RBMS3: variants seen among roughly 807,000 people sequenced by gnomAD.
The protein encoded by RBMS3 is RNA binding motif single stranded interacting protein 3.
In RBMS3, 27 loss-of-function variants were observed where a neutral mutation model predicts 66.8. That is an observed-to-expected ratio of 0.40 (90% CI 0.30 to 0.56). The LOEUF is 0.56. RBMS3 is among the 20% of genes least tolerant of loss of function. The pLI is 0.40. For synonymous variants in RBMS3, 188 were observed against 183.0 expected (o/e 1.03, Z -0.22); for missense variants, 513 against 549.5 (o/e 0.93, Z 0.66).
intron 4 of RBMS3, among the ~76,000 whole-genome samples, chr3:29,626,117 G>T (rs1384998687): frequency 6.6e-6 from 1 of 152,170 alleles, no homozygotes; most frequent in Admixed American, 6.6e-5. Flanking sequence ...CTCTCAGGAA[G>T]CTGTTTTCCT....
At chr3:30,001,191 C>T (rs559764744) in intron 14 of RBMS3, among the ~76,000 whole-genome samples, 3 of 152,090 alleles carry the variant, frequency 2.0e-5, no homozygotes, top group African/African-American at 7.2e-5. Flanking sequence ...TTTAAGTTTA[C>T]CTGTGAGTAA....
chr3:29,344,473 A>G (rs1184871420), intron 1 of RBMS3, among the ~76,000 whole-genome samples: 2 of 152,186 alleles, frequency 1.3e-5, no homozygotes, highest in East Asian at 3.9e-4. Flanking sequence ...AGCAGTTTTG[A>G]ATCTTCTTTT....
chr3:29,335,934 G>A (rs9850343), intron 1 of RBMS3, among the ~76,000 whole-genome samples: 249 of 151,718 alleles, frequency 1.6e-3, no homozygotes, highest in African/African-American at 5.8e-3. Flanking sequence ...TGTTCTAAAT[G>A]TATTCAAATG....
At chr3:29,282,083 C>A (rs1008922163) in intron 1 of RBMS3, among the ~76,000 whole-genome samples, 14 of 152,116 alleles carry the variant, frequency 9.2e-5, no homozygotes, top group African/African-American at 3.4e-4. Context: ...CAGATCACAA[C>A]AGTGATTACC....
intron 1 of RBMS3, among the ~76,000 whole-genome samples, chr3:29,305,076 C>T (rs1025076866): frequency 6.6e-6 from 1 of 151,710 alleles, no homozygotes; most frequent in African/African-American, 2.4e-5. Context: ...TCCAATATGC[C>T]CAGACCTTTC....
chr3:29,511,423 G>A (rs890134989), intron 3 of RBMS3, among the ~76,000 whole-genome samples: 24 of 152,198 alleles, frequency 1.6e-4, no homozygotes, highest in Admixed American at 4.6e-4. Flanking sequence ...AGTTCTGTGC[G>A]TGGGTGTTTT....
intron 1 of RBMS3, among the ~76,000 whole-genome samples, chr3:29,284,228 A>C (rs1437513947): frequency 2.6e-5 from 4 of 152,160 alleles, no homozygotes; most frequent in African/African-American, 7.2e-5. Context: ...ATATGTCAAT[A>C]ATACTTATGT....
intron 4 of RBMS3, among the ~76,000 whole-genome samples, chr3:29,676,035 T>A (rs1002109827): frequency 6.6e-6 from 1 of 152,160 alleles, no homozygotes. Flanking sequence ...AAGATGTCCA[T>A]CACTGATAGA....
intron 1 of RBMS3, among the ~76,000 whole-genome samples, chr3:29,354,707 C>G (rs1223896205): frequency 6.6e-6 from 1 of 152,114 alleles, no homozygotes; most frequent in African/African-American, 2.4e-5. Context: ...GCGAACATGA[C>G]ACATTCATTG....
intron 4 of RBMS3, among the ~76,000 whole-genome samples, chr3:29,714,544 G>T (rs867195241): frequency 6.6e-6 from 1 of 152,154 alleles, no homozygotes; most frequent in Non-Finnish European, 1.5e-5. Context: ...AAAATCATGA[G>T]ACTTGGTAAC....
intron 3 of RBMS3, among the ~76,000 whole-genome samples, chr3:29,557,424 A>T (rs1206006850): frequency 6.6e-6 from 1 of 152,234 alleles, no homozygotes; most frequent in African/African-American, 2.4e-5. Flanking sequence ...AGATGTTGAA[A>T]CTGCTGAGAC....
intron 1 of RBMS3, among the ~76,000 whole-genome samples, chr3:29,353,137 G>A (rs1419198153): frequency 6.6e-6 from 1 of 151,726 alleles, no homozygotes; most frequent in Non-Finnish European, 1.5e-5. Flanking sequence ...CATCACCTAA[G>A]ATTGGTGATA....
At chr3:29,859,856 A>C (rs538221706) in intron 6 of RBMS3, among the ~76,000 whole-genome samples, 21 of 152,296 alleles carry the variant, frequency 1.4e-4, no homozygotes, top group African/African-American at 5.1e-4. Context: ...CTAGAAATAC[A>C]TACATACATA....
intron 3 of RBMS3, among the ~76,000 whole-genome samples, chr3:29,537,981 T>TAAG (rs1054874990): frequency 2.6e-5 from 4 of 152,160 alleles, no homozygotes; most frequent in African/African-American, 9.7e-5. Flanking sequence ...CATATATATT[T>TAAG]AAGTTTTGCA....
At chr3:29,373,642 G>A (rs2038319867) in intron 1 of RBMS3, among the ~76,000 whole-genome samples, 1 of 152,154 alleles carries the variant, frequency 6.6e-6, no homozygotes, top group African/African-American at 2.4e-5. Flanking sequence ...ATGCTAACAT[G>A]AAACCAAGCA....
chr3:29,754,803 C>G (rs182946869), intron 5 of RBMS3, among the ~76,000 whole-genome samples: 3 of 152,272 alleles, frequency 2.0e-5, no homozygotes, highest in Admixed American at 6.5e-5. Context: ...ATAACATAAG[C>G]TATTAATTGG....
intron 4 of RBMS3, among the ~76,000 whole-genome samples, chr3:29,720,727 T>TGTGTGTGTGA (rs1253943133): frequency 1.3e-5 from 2 of 151,842 alleles, no homozygotes; most frequent in African/African-American, 4.8e-5. Context: ...AGTGTGTGTG[T>TGTGTGTGTGA]GACTTTTCAT....
intron 4 of RBMS3, among the ~76,000 whole-genome samples, chr3:29,678,860 A>C (rs1469919636): frequency 2.6e-5 from 4 of 152,054 alleles, no homozygotes; most frequent in African/African-American, 9.7e-5. Context: ...TTGAGATCCA[A>C]CCCTCAGTAG....
intron 1 of RBMS3, among the ~76,000 whole-genome samples, chr3:29,369,983 G>C (rs368318170): frequency 1.3e-5 from 2 of 151,948 alleles, no homozygotes; most frequent in Non-Finnish European, 2.9e-5. Flanking sequence ...TCTTTCAGAG[G>C]TTATTTTAAG....
Sources: allele counts gnomAD v4.1 joint callset (sites outside exome capture counted in the v4.1 genomes callset), GRCh38; gene constraint gnomAD v4.1.1; transcripts MANE v1.5; gene names NCBI Gene and HGNC (gene_info 2026-07-23, HGNC 2026-07-21).